COL22A1: variants seen among roughly 807,000 people sequenced by gnomAD.
The protein encoded by COL22A1 is collagen type XXII alpha 1 chain.
Under a neutral mutation model 248.9 loss-of-function variants are expected in COL22A1, and 221 were observed. The observed-to-expected ratio is 0.89, with a 90% CI of 0.80 to 0.99. COL22A1 has a LOEUF of 0.99. Ranked by LOEUF, COL22A1 falls within the 50% of genes least tolerant of loss-of-function variation. COL22A1 has a pLI of 0.00. For missense variants in COL22A1, 2,240 were observed against 2,179.0 expected, an observed-to-expected ratio of 1.03 and a Z score of -0.56; for synonymous variants, 891 against 793.4, an observed-to-expected ratio of 1.12 and a Z score of -2.07.
At chr8:138,889,148 T>C (rs1206697116) in intron 1 of COL22A1, among the ~76,000 whole-genome samples, 2 of 152,078 alleles carry the variant, frequency 1.3e-5, no homozygotes, top group African/African-American at 4.8e-5. Context: ...AAGGTATGTG[T>C]CTCTCCCCAC....
chr8:138,694,631 G>A, intron 33 of COL22A1, 70 bp from the exon 34 acceptor site: 1 of 1,534,976 alleles, frequency 6.5e-7, no homozygotes, highest in Non-Finnish European at 9.0e-7. Flanking sequence ...GATGGGGCGG[G>A]GACGTTGCAA....
intron 57 of COL22A1, 38 bp from the exon 58 acceptor site, chr8:138,606,490 A>G (rs374145509): frequency 4.4e-6 from 7 of 1,596,592 alleles, no homozygotes; most frequent in African/African-American, 2.7e-5. Context: ...CCTCAAGGTC[A>G]CGTACCAACT....
intron 61 of COL22A1, among the ~76,000 whole-genome samples, chr8:138,597,416 C>T (rs1200776638): frequency 6.6e-6 from 1 of 152,182 alleles, no homozygotes; most frequent in Non-Finnish European, 1.5e-5. Flanking sequence ...TGCCTGGCTA[C>T]TTGGCCACTC....
At chr8:138,823,196 G>A (rs767834767) in intron 6 of COL22A1, among the ~76,000 whole-genome samples, 13 of 152,254 alleles carry the variant, frequency 8.5e-5, no homozygotes, top group Middle Eastern at 6.8e-3. Flanking sequence ...ATTGATCCAC[G>A]ATAATTTAAT....
At chr8:138,835,794 G>A (rs1820385343) in intron 4 of COL22A1, among the ~76,000 whole-genome samples, 1 of 151,698 alleles carries the variant, frequency 6.6e-6, no homozygotes, top group Non-Finnish European at 1.5e-5. Context: ...AACCTCTCTG[G>A]GCTTATTTCT....
At chr8:138,693,625 A>C in intron 35 of COL22A1, 21 bp downstream of exon 35, 1 of 1,571,932 alleles carries the variant, frequency 6.4e-7, no homozygotes, top group East Asian at 2.4e-5. Context: ...CCCACGAGGC[A>C]GGCCGATCAT....
At chr8:138,773,343 G>C (rs1463138210) in intron 16 of COL22A1, among the ~76,000 whole-genome samples, 1 of 152,184 alleles carries the variant, frequency 6.6e-6, no homozygotes, top group Non-Finnish European at 1.5e-5. Flanking sequence ...ATTTGGTTCT[G>C]ATGACCAAGG....
At chr8:138,811,233 A>G (rs1818185653) in intron 9 of COL22A1, among the ~76,000 whole-genome samples, 1 of 151,822 alleles carries the variant, frequency 6.6e-6, no homozygotes, top group African/African-American at 2.4e-5. Flanking sequence ...CACTTTTTAA[A>G]AATAGAAACA....
chr8:138,660,613 GA>G, intron 43 of COL22A1, 133 bp from the exon 44 acceptor site: 4 of 723,216 alleles, frequency 5.5e-6, no homozygotes, highest in Non-Finnish European at 9.3e-6. Context: ...AGACCATGAG[GA>G]TTGGCACCAA....
intron 1 of COL22A1, among the ~76,000 whole-genome samples, chr8:138,888,779 C>T (rs528131260): frequency 2.0e-5 from 3 of 152,276 alleles, no homozygotes; most frequent in Non-Finnish European, 4.4e-5. Flanking sequence ...AGCTGATCGC[C>T]CAGCCCTCTC....
intron 54 of COL22A1, among the ~76,000 whole-genome samples, chr8:138,616,713 A>C (rs1253392858): frequency 6.6e-6 from 1 of 152,212 alleles, no homozygotes; most frequent in Non-Finnish European, 1.5e-5. Context: ...GGCCCCCAGA[A>C]AAACCACCTG....
chr8:138,663,315 T>C (rs13271565), intron 42 of COL22A1, among the ~76,000 whole-genome samples: 101,841 of 152,074 alleles, frequency 0.67, 35,295 homozygotes, highest in Middle Eastern at 0.78. Flanking sequence ...TTGCTCTGCC[T>C]ATGTTACAGA....
intron 18 of COL22A1, 60 bp downstream of exon 18, chr8:138,760,183 G>T: frequency 2.1e-6 from 3 of 1,402,058 alleles, no homozygotes; most frequent in Non-Finnish European, 2.8e-6. Context: ...GCCAAGGCGG[G>T]CAGTCCCCGC....
Position 138,812,949 on chromosome 8 carries a change from G to A in COL22A1, c.1316C>T (p.Pro439Leu), listed in dbSNP as rs1031615353. The change falls in exon 8 of 65, where the codon CCC (proline) becomes CTC (leucine). Residue 439 changes from proline (P) to leucine (L), a missense_variant. Coordinates refer to ENST00000303045, the MANE Select transcript of COL22A1 (RefSeq NM_152888.3). ...HAELETCCDI[P>L]SGPCQVTVVT... ...CGAGAGTCTGCTCACCGGACCCGAGGGGATATCACAACAAGTCTCCAATTC... is the reference window on the plus strand; with the variant it reads ...CGAGAGTCTGCTCACCGGACCCGAGAGGATATCACAACAAGTCTCCAATTC... 3 of 1,612,996 alleles carry A rather than the reference G, an allele frequency of 1.9e-6. No individual in the cohort carries two copies. Among genetic ancestry groups the A allele is most frequent in the Non-Finnish European group, 2.5e-6 (3 of 1,179,186 alleles).
Position 138,778,395 on chromosome 8 carries a change from T to C in COL22A1, c.1716A>G (p.Gly572=). The C allele has an allele frequency of 6.2e-7, 1 of 1,602,818 alleles. No homozygotes were observed. The change falls in exon 15 of 65, where the codon GGA becomes GGG. Residue 572 remains glycine, a synonymous_variant. Transcript: ENST00000303045. The part of the protein sequence containing the change: ...PGEVGMRGPQ[G]PPGLPGPPGR... Reference sequence around the variant, plus strand: ...CAGGAGGTCCGGGGAGTCCAGGTGGTCCTTGGGGCCCCTGCAGAAGAGCAT... The same window carrying C: ...CAGGAGGTCCGGGGAGTCCAGGTGGCCCTTGGGGCCCCTGCAGAAGAGCAT...
At chr8:138,636,551 C>T (rs922105632) in intron 48 of COL22A1, among the ~76,000 whole-genome samples, 191 bp downstream of exon 48, 9 of 29,416 alleles carry the variant, frequency 3.1e-4, no homozygotes, top group Non-Finnish European at 1.1e-3. Flanking sequence ...GAGGCTTCTC[C>T]AATAATTGAG....
chr8:138,698,178 G>A (rs956226570), intron 32 of COL22A1, among the ~76,000 whole-genome samples: 1 of 152,206 alleles, frequency 6.6e-6, no homozygotes, highest in Non-Finnish European at 1.5e-5. Flanking sequence ...GGCAGGGGGA[G>A]GCAATACATG....
intron 16 of COL22A1, among the ~76,000 whole-genome samples, chr8:138,767,068 A>G (rs1408875744): frequency 6.6e-6 from 1 of 152,194 alleles, no homozygotes; most frequent in Non-Finnish European, 1.5e-5. Context: ...GTGACCTTGG[A>G]CCAGTTCCTT....
intron 59 of COL22A1, 21 bp from the exon 60 acceptor site, chr8:138,602,180 C>T (rs1231389754): frequency 6.2e-7 from 1 of 1,613,914 alleles, no homozygotes; most frequent in African/African-American, 1.3e-5. Context: ...AAAGAAAGGA[C>T]AGTCATTGCC....
Sources: allele counts gnomAD v4.1 joint callset (sites outside exome capture counted in the v4.1 genomes callset), GRCh38; gene constraint gnomAD v4.1.1; transcripts MANE v1.5; gene names NCBI Gene and HGNC (gene_info 2026-07-23, HGNC 2026-07-21).